Variants in BCR observed in about 807,000 individuals in gnomAD.
The protein encoded by BCR is BCR activator of RhoGEF and GTPase, also known as breakpoint cluster region protein.
Under a neutral mutation model 138.6 loss-of-function variants are expected in BCR, and 58 were observed. The ratio of observed to expected loss-of-function variants is 0.42; its 90% CI spans 0.34 to 0.52. The LOEUF is 0.52. BCR is among the 20% of genes least tolerant of loss of function. The probability of loss-of-function intolerance (pLI) is 0.06; values close to 1 mark genes in which losing one functional copy is unlikely to be tolerated. For missense variants in BCR, 1,599 were observed against 1,727.2 expected (o/e 0.93, Z 1.32); for synonymous variants, 786 against 730.1 (o/e 1.08, Z -1.23).
chr22:23,208,103 C>T (rs756637534), intron 1 of BCR, among the ~76,000 whole-genome samples: 10 of 152,216 alleles, frequency 6.6e-5, no homozygotes, highest in Admixed American at 1.3e-4. Context: ...AAAACAGACA[C>T]GCTGGAGCTT....
intron 5 of BCR, among the ~76,000 whole-genome samples, chr22:23,268,919 T>G (rs1229574556): frequency 6.6e-6 from 1 of 152,054 alleles, no homozygotes; most frequent in Admixed American, 6.5e-5. Flanking sequence ...CCAGAGACCT[T>G]GAGAGCATTG....
intron 16 of BCR, among the ~76,000 whole-genome samples, chr22:23,308,508 T>C (rs1273391803): frequency 1.3e-5 from 2 of 152,258 alleles, no homozygotes; most frequent in East Asian, 3.9e-4. Flanking sequence ...GGTTTCACCA[T>C]GTTAGCCAGG....
intron 1 of BCR, among the ~76,000 whole-genome samples, chr22:23,192,495 C>T (rs538661823): frequency 1.3e-5 from 2 of 152,336 alleles, no homozygotes; most frequent in East Asian, 1.9e-4. Flanking sequence ...GGAAGACAGC[C>T]TCATTAACCT....
At chr22:23,293,153 C>T (rs1602113396) in intron 15 of BCR, among the ~76,000 whole-genome samples, 1 of 152,036 alleles carries the variant, frequency 6.6e-6, no homozygotes, top group East Asian at 1.9e-4. Flanking sequence ...GGCCCTGCAC[C>T]TTCGGGAGTA....
At chr22:23,235,017 G>A (rs2073007360) in intron 1 of BCR, among the ~76,000 whole-genome samples, 1 of 144,298 alleles carries the variant, frequency 6.9e-6, no homozygotes, top group Admixed American at 6.9e-5. Context: ...CAGCCACAGT[G>A]AGGGTGAAAA....
At position 23,181,564 on chromosome 22, in the gene BCR, T is replaced by C; in HGVS notation, c.604T>C (p.Ser202Pro). ...NDKEVSDRIS[S>P]LGSQAMQMER... ...CAAAGAGGTGTCGGACCGCATCAGCTCCCTGGGCAGCCAGGCCATGCAGAT... is the reference window on the plus strand; with the variant it reads ...CAAAGAGGTGTCGGACCGCATCAGCCCCCTGGGCAGCCAGGCCATGCAGAT... Residue 202 changes from serine to proline, a missense_variant, in exon 1 of 23, where the codon TCC becomes CCC. Coordinates refer to ENST00000305877, the MANE Select transcript of BCR (RefSeq NM_004327.4). 7.4e-6 allele frequency: 12 copies of C among 1,612,878 alleles called. No homozygotes were observed. Among genetic ancestry groups the C allele is most frequent in the Non-Finnish European group, 1.0e-5 (12 of 1,179,966 alleles).
intron 1 of BCR, among the ~76,000 whole-genome samples, chr22:23,242,393 C>G (rs973837718): frequency 1.3e-5 from 2 of 152,208 alleles, no homozygotes; most frequent in African/African-American, 4.8e-5. Context: ...GACACCCCTC[C>G]CAGAGGAATC....
At position 23,289,398 on chromosome 22, in the gene BCR, C is replaced by G; in HGVS notation, c.2603-119C>G. 5.0e-6 allele frequency: 4 copies of G among 805,680 alleles called. No individual in the cohort carries two copies. The Middle Eastern group carries it at 9.4e-4, about 189-fold the overall frequency. 49.9% of individuals were successfully genotyped at this position (805,680 alleles called of 1,614,324 possible). On this transcript the variant is annotated intron_variant, in intron 12 of 22. Transcript: ENST00000305877. Reference sequence around the variant, plus strand: ...AGTGCCCTCTCCTGAGCCCCCAAGCCCTGGCACCAGTTCTTGCCGTGCCCC... The same window carrying G: ...AGTGCCCTCTCCTGAGCCCCCAAGCGCTGGCACCAGTTCTTGCCGTGCCCC...
chr22:23,294,533 T>C (rs1379253352), intron 15 of BCR, among the ~76,000 whole-genome samples: 1 of 152,188 alleles, frequency 6.6e-6, no homozygotes, highest in African/African-American at 2.4e-5. Context: ...TACAAGTAGC[T>C]GGGATCACAG....
At chr22:23,310,994 CAGCG>C (rs2074001119) in intron 18 of BCR, among the ~76,000 whole-genome samples, 1 of 151,164 alleles carries the variant, frequency 6.6e-6, no homozygotes, top group African/African-American at 2.4e-5. Context: ...TGGGCATGAG[CAGCG>C]AGGACTCCAT....
At chr22:23,244,060 G>A (rs1602057282) in intron 1 of BCR, among the ~76,000 whole-genome samples, 1 of 152,140 alleles carries the variant, frequency 6.6e-6, no homozygotes, top group African/African-American at 2.4e-5. Flanking sequence ...CCTTAAGTGG[G>A]AACAGTCTTG....
chr22:23,268,268 G>T (rs985908386), intron 4 of BCR, 140 bp from the exon 5 acceptor site: 2 of 618,062 alleles, frequency 3.2e-6, no homozygotes. Context: ...GGAGCAGCAC[G>T]GAAGCGCCGA....
intron 5 of BCR, among the ~76,000 whole-genome samples, chr22:23,271,077 G>T (rs1282752901): frequency 6.6e-6 from 1 of 152,240 alleles, no homozygotes; most frequent in South Asian, 2.1e-4. Flanking sequence ...TTAGGAGCAT[G>T]CTCCTGTTGG....
At position 23,181,051 on chromosome 22, in the gene BCR, A is replaced by T. The variant is rs1271305252; in HGVS notation, c.91A>T (p.Ile31Phe). 6.6e-7 allele frequency: 1 copy of T among 1,521,076 alleles called. No homozygotes were observed. Among genetic ancestry groups the T allele is most frequent in the African/African-American group, 1.4e-5 (1 of 70,718 alleles). The allele number at this position is 1,521,076 out of a possible 1,614,324, so 94.2% of individuals were successfully genotyped here. ...CATGGAGCTGCGCTCAGTGGGCGACATCGAGCAGGAGCTGGAGCGCTGCAA... is the reference window on the plus strand; with the variant it reads ...CATGGAGCTGCGCTCAGTGGGCGACTTCGAGCAGGAGCTGGAGCGCTGCAA... ...PRMELRSVGD[I>F]EQELERCKAS... The change falls in exon 1 of 23, where the codon ATC becomes TTC. Residue 31 changes from isoleucine (I) to phenylalanine (F), a missense_variant. Coordinates refer to ENST00000305877, the MANE Select transcript of BCR (RefSeq NM_004327.4).
In BCR at chr22:23,290,324, T is replaced by C. The variant is rs1328240196; in HGVS notation, c.2708-15T>C. Reference sequence around the variant, plus strand: ...CCGGGACAACAGAAGCTGACCTCTTTGATCTCTTGCGCAGATGATGAGTCT... The same window carrying C: ...CCGGGACAACAGAAGCTGACCTCTTCGATCTCTTGCGCAGATGATGAGTCT... On this transcript the variant is annotated splice_polypyrimidine_tract_variant and intron_variant, in intron 13 of 22. Coordinates refer to ENST00000305877, the MANE Select transcript of BCR (RefSeq NM_004327.4). 1.9e-6 allele frequency: 3 copies of C among 1,612,736 alleles called. No individual in the cohort carries two copies. Among genetic ancestry groups the C allele is most frequent in the South Asian group, 2.2e-5 (2 of 91,062 alleles).
At chr22:23,295,822 GC>G (rs1477909953) in intron 16 of BCR, among the ~76,000 whole-genome samples, 1 of 152,098 alleles carries the variant, frequency 6.6e-6, no homozygotes, top group Non-Finnish European at 1.5e-5. Flanking sequence ...CATAGCTGGC[GC>G]CCCAGGCCCT....
intron 1 of BCR, among the ~76,000 whole-genome samples, chr22:23,243,691 CAG>C (rs973885705): frequency 1.3e-5 from 2 of 151,450 alleles, no homozygotes; most frequent in African/African-American, 4.9e-5. Context: ...CTCTGTTGCC[CAG>C]GCTGGAGTGC....
At chr22:23,300,577 C>T (rs992157310) in intron 16 of BCR, among the ~76,000 whole-genome samples, 32 of 152,228 alleles carry the variant, frequency 2.1e-4, no homozygotes, top group African/African-American at 1.4e-4. Context: ...CATGGGCTCT[C>T]GGGGGGAACA....
rs187903670 is a variant in BCR at position 23,266,776 on chromosome 22, C to T, written c.1753-1632C>T. 5.3e-5 allele frequency among the ~76,000 whole-genome samples: 8 copies of T among 152,336 alleles called. No homozygotes were observed. The East Asian group carries it at 5.8e-4, about 11-fold the overall frequency. On this transcript the variant is annotated intron_variant, in intron 4 of 22. Transcript: ENST00000305877. ...GTTCTGCGTAACAGCACCACAGCAG[C>T]GAGGCTGTGTGCTTCTCAGTGCATC...
Sources: gnomAD v4.1 joint callset for allele counts (sites outside exome capture counted in the v4.1 genomes callset) on GRCh38, gnomAD v4.1.1 for gene constraint, MANE v1.5 for transcripts, NCBI Gene and HGNC (gene_info 2026-07-23, HGNC 2026-07-21) for gene names.